Variants in C8A observed in about 807,000 individuals in gnomAD.
The protein encoded by C8A is complement C8 alpha chain, also known as complement component C8 alpha chain.
A neutral mutation model predicts 65.3 loss-of-function variants in C8A; 67 were observed. The observed-to-expected ratio is 1.03, with a 90% CI of 0.84 to 1.26. The LOEUF is 1.26. C8A is among the 50% of genes most tolerant of loss of function. C8A has a pLI of 0.00. For missense variants in C8A, 781 were observed against 723.9 expected, an observed-to-expected ratio of 1.08 and a Z score of -0.90; for synonymous variants, 290 against 259.4, an observed-to-expected ratio of 1.12 and a Z score of -1.13.
chr1:56,907,651 T>C (rs1363053835), intron 8 of C8A, among the ~76,000 whole-genome samples: 2 of 152,070 alleles, frequency 1.3e-5, no homozygotes, highest in Admixed American at 6.6e-5. Context: ...GAGTAAATAT[T>C]TGATGTAAGA....
At chr1:56,906,448 A>C (rs931797850) in intron 7 of C8A, among the ~76,000 whole-genome samples, 1 of 152,088 alleles carries the variant, frequency 6.6e-6, no homozygotes, top group Non-Finnish European at 1.5e-5. Flanking sequence ...TTTTTTACCA[A>C]CTAGTATGTG....
chr1:56,890,177 T>A (rs1462270215), intron 7 of C8A, among the ~76,000 whole-genome samples: 1 of 152,142 alleles, frequency 6.6e-6, no homozygotes, highest in Non-Finnish European at 1.5e-5. Context: ...CCTGGCCTCC[T>A]TTGCACATGC....
rs368704914 is a variant in C8A at position 56,906,644 on chromosome 1, G to A, written c.1097-23G>A. ...GTCTTTTAATAACTCAGCATTTTGT[G>A]TTTCTCTGTCTCCCTGTTGCAGGTA... On this transcript the variant is annotated intron_variant, in intron 7 of 10. Transcript: ENST00000361249. 79 of 1,613,850 alleles carry A rather than the reference G, an allele frequency of 4.9e-5. No homozygotes were observed. In the African/African-American group the frequency reaches 9.3e-4, roughly 19 times the overall value.
rs577411675 is a variant in C8A, at chr1:56,918,001, CTG to C, written c.*286_*287del. 153 of 325,940 alleles carry C rather than the reference CTG, an allele frequency of 4.7e-4. 2 individuals are homozygous for C. In the South Asian group the frequency reaches 6.2e-3, roughly 13 times the overall value. The allele number at this position is 325,940 out of a possible 1,614,324, so 20.2% of individuals were successfully genotyped here. ...CAAAAAAATAAAGTAAAATAGAAAA[CTG>C]AGAAAACTCAATCCATGACCAGGGA... On this transcript the variant is annotated 3_prime_UTR_variant, in exon 11 of 11. Transcript: ENST00000361249.
intron 6 of C8A, among the ~76,000 whole-genome samples, chr1:56,885,002 G>A (rs1346539814): frequency 6.6e-6 from 1 of 151,994 alleles, no homozygotes; most frequent in Admixed American, 6.6e-5. Context: ...AGCATAGGAG[G>A]TTTCACAATG....
intron 7 of C8A, among the ~76,000 whole-genome samples, chr1:56,888,477 T>C (rs1023703182): frequency 9.2e-5 from 14 of 152,178 alleles, no homozygotes; most frequent in African/African-American, 3.4e-4. Flanking sequence ...CCAATTGTAG[T>C]ACTCAAAATC....
At chr1:56,916,178 G>A (rs191925060) in intron 10 of C8A, among the ~76,000 whole-genome samples, 3 of 152,330 alleles carry the variant, frequency 2.0e-5, no homozygotes, top group Admixed American at 2.0e-4. Context: ...GTAATGATCT[G>A]CAGGGAGGGA....
chr1:56,906,833 G>T, intron 8 of C8A, 41 bp downstream of exon 8: 1 of 1,613,416 alleles, frequency 6.2e-7, no homozygotes, highest in Non-Finnish European at 8.5e-7. Context: ...GAGAAGCCAG[G>T]CTTTCCTTTG....
chr1:56,900,241 T>A (rs1372938656), intron 7 of C8A, among the ~76,000 whole-genome samples: 2 of 152,206 alleles, frequency 1.3e-5, no homozygotes, highest in African/African-American at 4.8e-5. Context: ...CATGATGAAA[T>A]GGAGCATCCA....
intron 7 of C8A, among the ~76,000 whole-genome samples, chr1:56,887,472 T>C (rs1174200711): frequency 2.0e-5 from 3 of 152,224 alleles, no homozygotes; most frequent in Non-Finnish European, 4.4e-5. Context: ...GAGCTTTTTT[T>C]CATATGCTTG....
chr1:56,916,255 C>T (rs1644550411), intron 10 of C8A, among the ~76,000 whole-genome samples: 1 of 152,224 alleles, frequency 6.6e-6, no homozygotes, highest in South Asian at 2.1e-4. Flanking sequence ...GCAGTTAGTT[C>T]ATTGCAGGCA....
At chr1:56,864,151 C>T (rs2101193490) in intron 1 of C8A, among the ~76,000 whole-genome samples, 1 of 152,244 alleles carries the variant, frequency 6.6e-6, no homozygotes, top group Middle Eastern at 3.4e-3. Flanking sequence ...AGGAGGTTTT[C>T]AACCAGTCTG....
intron 10 of C8A, among the ~76,000 whole-genome samples, chr1:56,915,915 G>T (rs956034792): frequency 1.3e-5 from 2 of 152,238 alleles, no homozygotes; most frequent in Admixed American, 6.5e-5. Flanking sequence ...GTATGTACCA[G>T]TTCATGGTTA....
intron 7 of C8A, among the ~76,000 whole-genome samples, chr1:56,895,516 T>G (rs1644381501): frequency 6.6e-6 from 1 of 152,160 alleles, no homozygotes; most frequent in African/African-American, 2.4e-5. Flanking sequence ...CCTAGGATTT[T>G]TCAAACTTCA....
At chr1:56,865,656 T>C (rs1401415532) in intron 1 of C8A, among the ~76,000 whole-genome samples, 2 of 152,208 alleles carry the variant, frequency 1.3e-5, no homozygotes, top group Non-Finnish European at 2.9e-5. Flanking sequence ...TATTTGGGCT[T>C]AGATATTTGG....
At chr1:56,881,693 GC>G in intron 5 of C8A, 59 bp downstream of exon 5, 1 of 1,493,616 alleles carries the variant, frequency 6.7e-7, no homozygotes, top group East Asian at 2.3e-5. Flanking sequence ...AGAGGCAGAG[GC>G]CTATTTGTGG....
Position 56,877,063 on chromosome 1 carries a change from T to C in C8A, c.464+854T>C, listed in dbSNP as rs1644205226. Among the ~76,000 whole-genome samples, 3 of 152,156 alleles carry C rather than the reference T, an allele frequency of 2.0e-5. No homozygotes were observed. The South Asian group carries it at 6.2e-4, about 31-fold the overall frequency. ...GTGGCTTTATAAGAAGACAAAGATATACCAGCGATCTCTCTCTTTCCACAC... is the reference window on the plus strand; with the variant it reads ...GTGGCTTTATAAGAAGACAAAGATACACCAGCGATCTCTCTCTTTCCACAC... On this transcript the variant is annotated intron_variant, in intron 4 of 10. Coordinates refer to ENST00000361249, the MANE Select transcript of C8A (RefSeq NM_000562.3).
At chr1:56,877,190 C>G (rs1644206605) in intron 4 of C8A, among the ~76,000 whole-genome samples, 1 of 152,184 alleles carries the variant, frequency 6.6e-6, no homozygotes, top group Admixed American at 6.5e-5. Flanking sequence ...ACACCTTGAT[C>G]TTGGACTCCT....
intron 7 of C8A, among the ~76,000 whole-genome samples, chr1:56,903,598 A>G (rs1644442542): frequency 6.6e-6 from 1 of 152,092 alleles, no homozygotes; most frequent in South Asian, 2.1e-4. Flanking sequence ...GGCTTCTTCT[A>G]GTTCTTATTC....
Sources: allele counts gnomAD v4.1 joint callset (sites outside exome capture counted in the v4.1 genomes callset), GRCh38; gene constraint gnomAD v4.1.1; transcripts MANE v1.5; gene names NCBI Gene and HGNC (gene_info 2026-07-23, HGNC 2026-07-21).